SLC4A10: variants seen among roughly 807,000 people sequenced by gnomAD.
The protein encoded by SLC4A10 is solute carrier family 4 member 10, also known as sodium-driven chloride bicarbonate exchanger.
SLC4A10 carries 42 observed loss-of-function variants against 137.7 expected under a neutral mutation model. The observed-to-expected ratio is 0.30, with a 90% confidence interval of 0.24 to 0.39. SLC4A10 has a LOEUF of 0.39. SLC4A10 is among the 10% of genes least tolerant of loss of function. The probability of loss-of-function intolerance (pLI) is 1.00; values close to 1 mark genes in which losing one functional copy is unlikely to be tolerated. For synonymous variants in SLC4A10, 474 were observed against 464.1 expected, an observed-to-expected ratio of 1.02 and a Z score of -0.27; for missense variants, 925 against 1,355.0, an observed-to-expected ratio of 0.68 and a Z score of 4.98.
intron 23 of SLC4A10, 91 bp downstream of exon 23, chr2:161,965,264 C>T (rs1457212322): frequency 2.5e-5 from 34 of 1,370,766 alleles, no homozygotes; most frequent in Non-Finnish European, 3.3e-5. Context: ...TATCTTTAGA[C>T]AGTTTTGTCT....
intron 1 of SLC4A10, among the ~76,000 whole-genome samples, chr2:161,626,569 A>G (rs759412047): frequency 9.2e-5 from 14 of 152,148 alleles, no homozygotes; most frequent in Non-Finnish European, 2.1e-4. Flanking sequence ...AGGATGCTGA[A>G]TTACTGGTCC....
intron 2 of SLC4A10, among the ~76,000 whole-genome samples, chr2:161,791,704 T>C (rs1341711010): frequency 6.6e-6 from 1 of 152,238 alleles, no homozygotes; most frequent in Non-Finnish European, 1.5e-5. Context: ...TTCATCACTT[T>C]ATTTTTTCAC....
At position 161,690,077 on chromosome 2, in the gene SLC4A10, C is replaced by G. The variant is rs146335888; in HGVS notation, c.48+65511C>G. ...CTGACAAAGGTCTAATATACAGAATCTAGAAGGAACTTAAACAAATTTATA... is the reference window on the plus strand; with the variant it reads ...CTGACAAAGGTCTAATATACAGAATGTAGAAGGAACTTAAACAAATTTATA... On this transcript the variant is annotated intron_variant, in intron 1 of 26. Transcript: ENST00000446997. Among the ~76,000 whole-genome samples, 6 of 152,188 alleles carry G rather than the reference C, an allele frequency of 3.9e-5. No individual in the cohort carries two copies. In the East Asian group the frequency reaches 1.2e-3, roughly 29 times the overall value.
At chr2:161,684,252 G>A (rs2124852589) in intron 1 of SLC4A10, among the ~76,000 whole-genome samples, 1 of 152,250 alleles carries the variant, frequency 6.6e-6, no homozygotes. Flanking sequence ...ACATTCCATT[G>A]TATGAATAGA....
At chr2:161,747,041 G>A (rs1162305049) in intron 1 of SLC4A10, among the ~76,000 whole-genome samples, 3 of 152,082 alleles carry the variant, frequency 2.0e-5, no homozygotes, top group Non-Finnish European at 4.4e-5. Flanking sequence ...AGTGACACAA[G>A]CATTCCCTTG....
intron 2 of SLC4A10, among the ~76,000 whole-genome samples, chr2:161,791,346 C>T (rs2054188668): frequency 6.6e-6 from 1 of 152,144 alleles, no homozygotes; most frequent in Admixed American, 6.5e-5. Flanking sequence ...AGCCATTACC[C>T]TCAGCAAACT....
intron 1 of SLC4A10, among the ~76,000 whole-genome samples, chr2:161,755,766 C>T (rs2049555770): frequency 6.6e-6 from 1 of 151,090 alleles, no homozygotes; most frequent in South Asian, 2.1e-4. Context: ...TAACTCGTTC[C>T]TTAAATTTTT....
At chr2:161,895,691 T>G (rs201021424) in intron 11 of SLC4A10, among the ~76,000 whole-genome samples, 1 of 152,164 alleles carries the variant, frequency 6.6e-6, no homozygotes, top group Non-Finnish European at 1.5e-5. Context: ...TCATGTGTCT[T>G]TTGGCTGCAT....
intron 1 of SLC4A10, among the ~76,000 whole-genome samples, chr2:161,752,891 C>A (rs1183511207): frequency 1.3e-5 from 2 of 151,990 alleles, no homozygotes; most frequent in Non-Finnish European, 2.9e-5. Context: ...TTGAAAATTG[C>A]TGAGTTGATT....
At chr2:161,682,766 G>A (rs1009913511) in intron 1 of SLC4A10, among the ~76,000 whole-genome samples, 2 of 152,004 alleles carry the variant, frequency 1.3e-5, no homozygotes, top group Non-Finnish European at 1.5e-5. Flanking sequence ...TGTAGCCTGA[G>A]AATCTCTCCC....
At chr2:161,764,937 T>C (rs763871639) in intron 1 of SLC4A10, among the ~76,000 whole-genome samples, 1 of 152,156 alleles carries the variant, frequency 6.6e-6, no homozygotes, top group Non-Finnish European at 1.5e-5. Context: ...GAATTATAGT[T>C]TGTTCATTTG....
At chr2:161,969,125 T>C (rs2105937417) in intron 23 of SLC4A10, among the ~76,000 whole-genome samples, 1 of 152,334 alleles carries the variant, frequency 6.6e-6, no homozygotes, top group Non-Finnish European at 1.5e-5. Flanking sequence ...TAAAGTAGGC[T>C]CACCTCTTGT....
intron 1 of SLC4A10, among the ~76,000 whole-genome samples, chr2:161,763,569 G>C (rs773139078): frequency 6.6e-6 from 1 of 152,120 alleles, no homozygotes; most frequent in Non-Finnish European, 1.5e-5. Context: ...TGTGGGAGCA[G>C]TTAATAAAAA....
chr2:161,949,417 G>A (rs1385661179), intron 18 of SLC4A10, among the ~76,000 whole-genome samples, 156 bp downstream of exon 18: 1 of 151,136 alleles, frequency 6.6e-6, no homozygotes, highest in Admixed American at 6.6e-5. Context: ...TAAAATTTAG[G>A]TCTAATATTT....
At chr2:161,745,047 C>T (rs1423769874) in intron 1 of SLC4A10, among the ~76,000 whole-genome samples, 1 of 152,128 alleles carries the variant, frequency 6.6e-6, no homozygotes. Flanking sequence ...AATCCCCCAA[C>T]TTTGTCTGGG....
At chr2:161,919,206 G>A (rs1412771957) in intron 15 of SLC4A10, among the ~76,000 whole-genome samples, 5 of 152,164 alleles carry the variant, frequency 3.3e-5, no homozygotes, top group Non-Finnish European at 7.4e-5. Flanking sequence ...GGAGGCCAAG[G>A]TGGGGCTGAA....
In SLC4A10 at chr2:161,728,899, A is replaced by G. The variant is rs182139058; in HGVS notation, c.49-42074A>G. On this transcript the variant is annotated intron_variant, in intron 1 of 26. Transcript: ENST00000446997. ...ATCTTGGGAATGAAAGGCTGGTTCA[A>G]TATTTGAAAACCAAGCAAAGTAATC... Among the ~76,000 whole-genome samples the G allele has an allele frequency of 7.2e-5, 11 of 152,338 alleles. No homozygotes were observed. The East Asian group carries it at 1.9e-3, about 27-fold the overall frequency.
chr2:161,822,740 C>T (rs1268487514), intron 3 of SLC4A10, among the ~76,000 whole-genome samples: 1 of 152,060 alleles, frequency 6.6e-6, no homozygotes, highest in Non-Finnish European at 1.5e-5. Context: ...TTTGGGAGGC[C>T]TAGAAACACA....
At chr2:161,715,883 G>A (rs2125087055) in intron 1 of SLC4A10, among the ~76,000 whole-genome samples, 1 of 152,090 alleles carries the variant, frequency 6.6e-6, no homozygotes, top group East Asian at 1.9e-4. Flanking sequence ...GGTATTTCTG[G>A]TTGCAGGTCT....
Sources: allele counts gnomAD v4.1 joint callset (sites outside exome capture counted in the v4.1 genomes callset), GRCh38; gene constraint gnomAD v4.1.1; transcripts MANE v1.5; gene names NCBI Gene and HGNC (gene_info 2026-07-23, HGNC 2026-07-21).